The following POM121 variants were observed in gnomAD, a reference collection of about 807,000 sequenced individuals.
POM121 encodes POM121 transmembrane nucleoporin.
POM121 carries 32 observed loss-of-function variants against 81.3 expected under a neutral mutation model. That is an observed-to-expected ratio of 0.39 (90% CI 0.30 to 0.53). POM121 has a LOEUF of 0.53. Among genes scored for constraint, POM121 ranks in the 20% least tolerant of loss-of-function variants. The probability of loss-of-function intolerance (pLI) is 0.66; values close to 1 mark genes in which losing one functional copy is unlikely to be tolerated. For synonymous variants in POM121, 514 were observed against 694.2 expected, an observed-to-expected ratio of 0.74 and a Z score of 4.08; for missense variants, 1,138 against 1,614.6, an observed-to-expected ratio of 0.70 and a Z score of 5.06.
intron 9 of POM121, 112 bp from the exon 10 acceptor site, chr7:72,940,705 A>G: frequency 1.3e-6 from 2 of 1,544,308 alleles, no homozygotes; most frequent in Non-Finnish European, 8.9e-7. Flanking sequence ...GGACCACTGC[A>G]ATTGAGGGCA....
At chr7:72,930,154 G>A (rs1795872529) in intron 5 of POM121, 43 bp downstream of exon 5, 1 of 1,568,158 alleles carries the variant, frequency 6.4e-7, no homozygotes, top group African/African-American at 1.4e-5. Context: ...TGAATTCCCA[G>A]CGTTCATTCA....
rs553291946 is a variant in POM121, at chr7:72,943,231, G to A, written c.3238G>A (p.Ala1080Thr). 354 of 1,612,628 alleles carry A rather than the reference G, an allele frequency of 2.2e-4. 7 individuals are homozygous for A. In the East Asian group the frequency reaches 7.3e-3, roughly 33 times the overall value. ...SSGFGATTQT[A>T]SSGSSSSVFG... is the part of the protein sequence containing the mutation. Reference sequence around the variant, plus strand: ...CGGCTTTGGAGCCACCACCCAGACCGCCAGCAGCGGGAGCAGCAGCTCGGT... The same window carrying A: ...CGGCTTTGGAGCCACCACCCAGACCACCAGCAGCGGGAGCAGCAGCTCGGT... The change falls in exon 11 of 13, where the codon GCC (alanine) becomes ACC (threonine). Residue 1080 changes from alanine to threonine, a missense_variant. Transcript: ENST00000434423.
intron 3 of POM121, among the ~76,000 whole-genome samples, chr7:72,894,451 G>A (rs1253192427): frequency 2.0e-5 from 3 of 151,720 alleles, no homozygotes; most frequent in Non-Finnish European, 4.4e-5. Flanking sequence ...GGTGGCAGGC[G>A]CCTGTAATCC....
rs190263725 is a variant in POM121, at chr7:72,910,185, C to G, written c.-215-3580C>G. Among the ~76,000 whole-genome samples the G allele has an allele frequency of 2.6e-5, 4 of 152,236 alleles. No homozygotes were observed. In the East Asian group the frequency reaches 7.7e-4, roughly 29 times the overall value. On this transcript the variant is annotated intron_variant, in intron 3 of 15. Coordinates refer to the POM121 transcript ENST00000395270. ...AAGTAAATCTGACTGATTTTCAATG[C>G]GAAAATAAAATATGAAAACTGGGTT...
intron 1 of POM121, among the ~76,000 whole-genome samples, chr7:72,883,557 C>T (rs1381150588): frequency 6.6e-6 from 1 of 152,090 alleles, no homozygotes; most frequent in Non-Finnish European, 1.5e-5. Context: ...CATAGTATGT[C>T]TCCTGCGTGC....
chr7:72,915,852 TAGTAG>T (rs1794248085), intron 4 of POM121, among the ~76,000 whole-genome samples: 1 of 152,182 alleles, frequency 6.6e-6, no homozygotes, highest in Non-Finnish European at 1.5e-5. Context: ...TTTGTGTTTT[TAGTAG>T]AGTAATTTAG....
At chr7:72,921,586 G>A (rs529953106), upstream of POM121, among the ~76,000 whole-genome samples, 2 of 152,308 alleles carry the variant, frequency 1.3e-5, no homozygotes, top group South Asian at 4.1e-4. Context: ...TTAGGGATCA[G>A]TCTTTTGCTT....
intron 4 of POM121, among the ~76,000 whole-genome samples, chr7:72,929,551 C>T (rs1286254253): frequency 1.3e-5 from 2 of 152,078 alleles, no homozygotes; most frequent in Non-Finnish European, 2.9e-5. Flanking sequence ...TTGTTTAAAG[C>T]ATGTGACATT....
chr7:72,909,811 C>G (rs1351944421), intron 3 of POM121, among the ~76,000 whole-genome samples: 1 of 152,184 alleles, frequency 6.6e-6, no homozygotes, highest in Non-Finnish European at 1.5e-5. Context: ...CCATGCCCAG[C>G]TAATTTTTTA....
intron 5 of POM121, among the ~76,000 whole-genome samples, chr7:72,930,736 G>A (rs1795933068): frequency 1.3e-5 from 2 of 152,178 alleles, no homozygotes; most frequent in South Asian, 2.1e-4. Context: ...GCTCATGCCT[G>A]TAATCCCATC....
chr7:72,938,515 A>C (rs1796740542), intron 5 of POM121, 75 bp from the exon 6 acceptor site: 1 of 1,477,746 alleles, frequency 6.8e-7, no homozygotes, highest in South Asian at 1.1e-5. Flanking sequence ...TAGTCACTTG[A>C]AAAGAGACTT....
intron 3 of POM121, among the ~76,000 whole-genome samples, chr7:72,907,056 C>T (rs1330411096): frequency 6.6e-6 from 1 of 151,906 alleles, no homozygotes; most frequent in Non-Finnish European, 1.5e-5. Context: ...TTTTTTTATA[C>T]CTGTTTGCCT....
chr7:72,930,893 C>T (rs1252791680), intron 5 of POM121, among the ~76,000 whole-genome samples: 1 of 152,104 alleles, frequency 6.6e-6, no homozygotes, highest in African/African-American at 2.4e-5. Flanking sequence ...CAGACAATCA[C>T]ATAACATCTC....
In POM121 at chr7:72,943,190, G is replaced by A. The variant is rs1797301094; in HGVS notation, c.3197G>A (p.Gly1066Asp). The A allele has an allele frequency of 1.2e-6, 2 of 1,613,016 alleles. No individual in the cohort carries two copies. The highest frequency in any genetic ancestry group is 1.3e-5 in the African/African-American group (1 of 74,898). Reference sequence around the variant, plus strand: ...GGCGGCTCCACTGCTGTCTTCTTCGGTGCAGCCACCAGCTCCGGCTTTGGA... The same window carrying A: ...GGCGGCTCCACTGCTGTCTTCTTCGATGCAGCCACCAGCTCCGGCTTTGGA... The part of the protein sequence containing the change: ...AFGGSTAVFF[G>D]AATSSGFGAT... Residue 1066 changes from glycine (G) to aspartate (D), a missense_variant, in exon 11 of 13, where the codon GGT becomes GAT. Coordinates refer to ENST00000434423, the MANE Select transcript of POM121 (RefSeq NM_001387691.1).
intron 3 of POM121, 113 bp from the exon 4 acceptor site, chr7:72,928,272 C>G: frequency 1.4e-6 from 2 of 1,423,000 alleles, no homozygotes; most frequent in Non-Finnish European, 1.9e-6. Flanking sequence ...TCTGGTCTAT[C>G]ATGGAATCTG....
chr7:72,917,845 G>A (rs782048282), intron 4 of POM121, among the ~76,000 whole-genome samples: 5 of 152,272 alleles, frequency 3.3e-5, no homozygotes, highest in South Asian at 4.1e-4. Context: ...GTCTGGCTGC[G>A]CTGTTATTTA....
At chr7:72,949,947 TG>T, downstream of POM121, 1 of 1,612,394 alleles carries the variant, frequency 6.2e-7, no homozygotes, top group Non-Finnish European at 8.5e-7. Flanking sequence ...GCAGCATGGC[TG>T]GGAGACAGCT....
upstream of POM121, among the ~76,000 whole-genome samples, chr7:72,923,550 G>A (rs1554496388): frequency 1.3e-5 from 2 of 149,194 alleles, no homozygotes; most frequent in African/African-American, 5.0e-5. Context: ...AGCCTCCCGA[G>A]TAGCTGGGAC....
upstream of POM121, among the ~76,000 whole-genome samples, chr7:72,923,775 A>AT: frequency 6.8e-6 from 1 of 146,626 alleles, no homozygotes; most frequent in Non-Finnish European, 1.5e-5. Flanking sequence ...AATTTTTTGT[A>AT]TTTTTAGTAG....
Sources: allele counts gnomAD v4.1 joint callset (sites outside exome capture counted in the v4.1 genomes callset), GRCh38; gene constraint gnomAD v4.1.1; transcripts MANE v1.5; gene names NCBI Gene and HGNC (gene_info 2026-07-23, HGNC 2026-07-21).